The following GSAP variants were observed in gnomAD, a reference collection of about 807,000 sequenced individuals.
GSAP encodes gamma-secretase activating protein, also known as gamma-secretase-activating protein.
In GSAP, 118 loss-of-function variants were observed where a neutral mutation model predicts 131.7. The observed-to-expected ratio is 0.90, with a 90% CI of 0.77 to 1.04. GSAP has a LOEUF of 1.04. GSAP is among the 50% of genes least tolerant of loss of function. The pLI, the probability that GSAP is intolerant of heterozygous loss-of-function variation, is 0.00. For missense variants in GSAP, 1,019 were observed against 1,013.2 expected (o/e 1.01, Z -0.08); for synonymous variants, 381 against 363.4 (o/e 1.05, Z -0.55).
At chr7:77,341,038 C>T (rs190021294) in intron 19 of GSAP, among the ~76,000 whole-genome samples, 20 of 152,244 alleles carry the variant, frequency 1.3e-4, no homozygotes, top group South Asian at 6.2e-4. Context: ...TGTGTAACAC[C>T]GCTTGGCCCC....
chr7:77,356,470 C>T (rs1793743609), intron 14 of GSAP, among the ~76,000 whole-genome samples: 1 of 152,188 alleles, frequency 6.6e-6, no homozygotes, highest in African/African-American at 2.4e-5. Flanking sequence ...TCATTATCAT[C>T]ATCAGTAGCA....
chr7:77,378,026 C>T (rs926098655), intron 8 of GSAP, among the ~76,000 whole-genome samples: 3 of 152,244 alleles, frequency 2.0e-5, no homozygotes, highest in Non-Finnish European at 4.4e-5. Context: ...ATAATCCTCA[C>T]CTGTTTTCCA....
rs757431131 is a variant in GSAP at position 77,355,594 on chromosome 7, G to A, written c.1081C>T (p.Gln361Ter). 1.2e-6 allele frequency: 2 copies of A among 1,611,172 alleles called. No individual in the cohort carries two copies. The highest frequency in any genetic ancestry group is 1.7e-6 in the Non-Finnish European group (2 of 1,177,426). The change falls in exon 15 of 31, where the codon CAA (glutamine) becomes TAA (stop). Residue 361 changes from glutamine to a stop codon, truncating the protein, a stop_gained. Coordinates refer to ENST00000257626, the MANE Select transcript of GSAP (RefSeq NM_017439.4). LOFTEE classifies it high-confidence loss of function. Reference sequence around the variant, plus strand: ...TTGTGGCAGATCAGGTCTGGATGTTGAACATTAAGTAGGTGGAAGAAATGA... The same window carrying A: ...TTGTGGCAGATCAGGTCTGGATGTTAAACATTAAGTAGGTGGAAGAAATGA... ...PGHFFHLLNV[Q>*]HPDLICHNLF...
chr7:77,340,332 C>A (rs1001245169), intron 19 of GSAP, among the ~76,000 whole-genome samples: 5 of 152,170 alleles, frequency 3.3e-5, no homozygotes, highest in Non-Finnish European at 7.3e-5. Flanking sequence ...CTCACACAAA[C>A]CCTGTTTGGT....
rs551433177 is a variant in GSAP, at chr7:77,362,932, G to A, written c.872-272C>T. 5.3e-5 allele frequency among the ~76,000 whole-genome samples: 8 copies of A among 152,236 alleles called. No individual in the cohort carries two copies. In the East Asian group the frequency reaches 1.5e-3, roughly 29 times the overall value. ...ATATACTCCTGCATATGAAATAATG[G>A]GGTTCTAGACAGTTTCCAAAGCTTC... On this transcript the variant is annotated intron_variant, in intron 12 of 30. Transcript: ENST00000257626.
chr7:77,320,219 T>C (rs1787442388), intron 26 of GSAP, among the ~76,000 whole-genome samples: 1 of 152,190 alleles, frequency 6.6e-6, no homozygotes, highest in East Asian at 1.9e-4. Context: ...AACAAATATT[T>C]GTTGACTAAA....
At chr7:77,391,125 C>CAAAAAAAAA (rs3083869) in intron 5 of GSAP, among the ~76,000 whole-genome samples, 61 of 65,072 alleles carry the variant, frequency 9.4e-4, no homozygotes, top group East Asian at 7.6e-3. Context: ...GGCTCCGTCT[C>CAAAAAAAAA]AAAAAAAAAA....
chr7:77,344,261 GC>G (rs1457840053), intron 19 of GSAP, among the ~76,000 whole-genome samples: 1 of 152,002 alleles, frequency 6.6e-6, no homozygotes, highest in Non-Finnish European at 1.5e-5. Context: ...GAACCTTCAG[GC>G]CCCTTACCAT....
chr7:77,342,338 G>A (rs533211229), intron 19 of GSAP, among the ~76,000 whole-genome samples: 7 of 152,068 alleles, frequency 4.6e-5, no homozygotes, highest in African/African-American at 7.2e-5. Context: ...ACTGTTGTGG[G>A]TATTGAAGGC....
At chr7:77,380,437 G>C (rs1255313733) in intron 8 of GSAP, among the ~76,000 whole-genome samples, 4 of 151,988 alleles carry the variant, frequency 2.6e-5, no homozygotes, top group African/African-American at 9.7e-5. Context: ...AATACATAAG[G>C]CTATAGGAAA....
chr7:77,413,922 T>C (rs1311567785), intron 1 of GSAP, among the ~76,000 whole-genome samples: 1 of 152,196 alleles, frequency 6.6e-6, no homozygotes, highest in African/African-American at 2.4e-5. Context: ...GTTGTTTTGA[T>C]TTTTAACAAA....
chr7:77,379,889 T>C, intron 8 of GSAP: 1 of 982,578 alleles, frequency 1.0e-6, no homozygotes, highest in Non-Finnish European at 1.2e-6. Context: ...GATTTGAGGC[T>C]TTCAATAGCT....
chr7:77,392,594 G>C (rs1335185179), intron 5 of GSAP, among the ~76,000 whole-genome samples: 1 of 152,072 alleles, frequency 6.6e-6, no homozygotes, highest in East Asian at 1.9e-4. Context: ...ATCACTGAAG[G>C]GGAAGACAAG....
Position 77,397,374 on chromosome 7 carries a change from G to A in GSAP, c.285C>T (p.Cys95=), listed in dbSNP as rs1455528742. 1 of 1,606,352 alleles carries A rather than the reference G, an allele frequency of 6.2e-7. No homozygotes were observed. Among genetic ancestry groups the A allele is most frequent in the South Asian group, 1.1e-5 (1 of 90,198 alleles). Residue 95 remains cysteine (C), a synonymous_variant, in exon 4 of 31, where the codon TGC becomes TGT. Coordinates refer to ENST00000257626, the MANE Select transcript of GSAP (RefSeq NM_017439.4). ...GCAAAGTCCTTTCACTGTTGACAGAGCAACTGAAAACTTGCAAGTCTTTCT... is the reference window on the plus strand; with the variant it reads ...GCAAAGTCCTTTCACTGTTGACAGAACAACTGAAAACTTGCAAGTCTTTCT... ...TFEKDLQVFS[C]SVNSERTLLA...
chr7:77,389,370 C>G (rs1799088609), intron 5 of GSAP, among the ~76,000 whole-genome samples: 1 of 150,164 alleles, frequency 6.7e-6, no homozygotes, highest in Admixed American at 6.6e-5. Context: ...AATGCCGTCT[C>G]TACAAAAATA....
Position 77,404,984 on chromosome 7 carries a change from T to C in GSAP, c.187-369A>G, listed in dbSNP as rs556800686. On this transcript the variant is annotated intron_variant, in intron 2 of 30. Coordinates refer to ENST00000257626, the MANE Select transcript of GSAP (RefSeq NM_017439.4). ...AAACATTGTGAATCACACAATTCCT[T>C]AAAGGTACCATTCTAAGACACAACT... Among the ~76,000 whole-genome samples the C allele has an allele frequency of 2.0e-5, 3 of 152,344 alleles. No individual in the cohort carries two copies. In the East Asian group the frequency reaches 5.8e-4, roughly 29 times the overall value.
chr7:77,389,122 T>G (rs1308791638), intron 5 of GSAP, among the ~76,000 whole-genome samples: 2 of 152,054 alleles, frequency 1.3e-5, no homozygotes, highest in Admixed American at 1.3e-4. Context: ...GAGGTGAGTA[T>G]GTGGGGGGGA....
At position 77,406,208 on chromosome 7, in the gene GSAP, T is replaced by C. The variant is rs951592655; in HGVS notation, c.110-103A>G. On this transcript the variant is annotated intron_variant, in intron 1 of 30. Coordinates refer to ENST00000257626, the MANE Select transcript of GSAP (RefSeq NM_017439.4). ...CCAAATATAAATATATACTAATAAT[T>C]CTATTATATAAAACTTAAAAACAGG... 3.7e-5 allele frequency: 22 copies of C among 597,150 alleles called. 1 individual carries two copies. In the African/African-American group the frequency reaches 4.4e-4, roughly 12 times the overall value. The allele number at this position is 597,150 out of a possible 1,614,324, so 37.0% of individuals were successfully genotyped here.
At chr7:77,416,179 G>GCCCCCCC in intron 1 of GSAP, 34 bp downstream of exon 1, 16 of 435,004 alleles carry the variant, frequency 3.7e-5, no homozygotes, top group Non-Finnish European at 5.4e-5. Flanking sequence ...CCCACTCCCC[G>GCCCCCCC]CCCCCACCCC....
Sources: gnomAD v4.1 joint callset for allele counts (sites outside exome capture counted in the v4.1 genomes callset) on GRCh38, gnomAD v4.1.1 for gene constraint, MANE v1.5 for transcripts, NCBI Gene and HGNC (gene_info 2026-07-23, HGNC 2026-07-21) for gene names.